The following TCF7L1 variants were observed in gnomAD, a reference collection of about 807,000 sequenced individuals.
TCF7L1 encodes the protein transcription factor 7-like 1.
TCF7L1 carries 18 observed loss-of-function variants against 63.7 expected under a neutral mutation model. That is an observed-to-expected ratio of 0.28 (90% CI 0.20 to 0.42). TCF7L1 has a LOEUF of 0.42. TCF7L1 is among the 10% of genes least tolerant of loss of function. The pLI is 1.00. For synonymous variants in TCF7L1, 355 were observed against 340.9 expected, an observed-to-expected ratio of 1.04 and a Z score of -0.46; for missense variants, 654 against 779.3, an observed-to-expected ratio of 0.84 and a Z score of 1.91.
intron 3 of TCF7L1, among the ~76,000 whole-genome samples, chr2:85,149,816 C>A (rs1424127677): frequency 6.6e-6 from 1 of 152,216 alleles, no homozygotes; most frequent in Admixed American, 6.5e-5. Context: ...TGAGCCACCG[C>A]GCCCGGCTCT....
intron 3 of TCF7L1, among the ~76,000 whole-genome samples, chr2:85,199,163 G>T (rs1451529987): frequency 6.6e-6 from 1 of 152,174 alleles, no homozygotes; most frequent in East Asian, 1.9e-4. Context: ...GATGGTTCAG[G>T]CTGGAGTAAC....
intron 3 of TCF7L1, among the ~76,000 whole-genome samples, chr2:85,239,862 C>T (rs1680282693): frequency 6.7e-6 from 1 of 148,674 alleles, no homozygotes; most frequent in African/African-American, 2.5e-5. Context: ...AGGAGAATCA[C>T]TTGAACCTGG....
At chr2:85,145,039 T>A (rs965704156) in intron 3 of TCF7L1, among the ~76,000 whole-genome samples, 1 of 147,308 alleles carries the variant, frequency 6.8e-6, no homozygotes, top group Admixed American at 6.9e-5. Context: ...GAGCCAAGAC[T>A]GGGCAAAAAA....
In TCF7L1 at chr2:85,302,570, C is replaced by T. The variant is rs139053179; in HGVS notation, c.612C>T (p.Pro204=). The T allele has an allele frequency of 1.9e-5, 31 of 1,613,960 alleles. No individual in the cohort carries two copies. The highest frequency in any genetic ancestry group is 5.5e-5 in the South Asian group (5 of 91,086). ...CCTACAGCAATGACCACTTCTCCCCCGGCTCCCCTCCCACCCACCTCTCCC... is the reference window on the plus strand; with the variant it reads ...CCTACAGCAATGACCACTTCTCCCCTGGCTCCCCTCCCACCCACCTCTCCC... The part of the protein sequence containing the change: ...LITYSNDHFS[P]GSPPTHLSPE... Residue 204 remains proline (P), a synonymous_variant, in exon 5 of 12, where the codon CCC becomes CCT. Coordinates refer to ENST00000282111, the MANE Select transcript of TCF7L1 (RefSeq NM_031283.3).
chr2:85,166,767 G>A (rs1458900905), intron 3 of TCF7L1, among the ~76,000 whole-genome samples: 2 of 152,224 alleles, frequency 1.3e-5, no homozygotes, highest in Non-Finnish European at 1.5e-5. Flanking sequence ...TGGGTTGATT[G>A]TCTCTTTAGC....
chr2:85,168,757 G>T (rs917589135), intron 3 of TCF7L1, among the ~76,000 whole-genome samples: 1 of 152,228 alleles, frequency 6.6e-6, no homozygotes, highest in Admixed American at 6.5e-5. Context: ...GCGTAGCTGG[G>T]ACTACAGGCA....
chr2:85,178,482 G>A (rs1278068473), intron 3 of TCF7L1, among the ~76,000 whole-genome samples: 2 of 152,166 alleles, frequency 1.3e-5, no homozygotes, highest in Non-Finnish European at 2.9e-5. Flanking sequence ...AGAAGGAGCT[G>A]GAGAAGGAGC....
intron 3 of TCF7L1, among the ~76,000 whole-genome samples, chr2:85,251,504 AG>A (rs1397870162): frequency 6.6e-6 from 1 of 152,202 alleles, no homozygotes; most frequent in East Asian, 1.9e-4. Flanking sequence ...ACCTGCCTAA[AG>A]TCATCACACT....
rs1309069310 is a variant in TCF7L1, at chr2:85,307,704, C to T, written c.1320C>T (p.Val440=). ...QLSQTQSQQQ[V]QEAEGALASK... ...CCCAGACACAGTCACAGCAGCAAGT[C>T]CAGGAGGCAGAGGGTGCGTCTCGGG... Residue 440 remains valine, a synonymous_variant, in exon 11 of 12, where the codon GTC becomes GTT. Transcript: ENST00000282111. 1 of 1,613,644 alleles carries T rather than the reference C, an allele frequency of 6.2e-7. No individual in the cohort carries two copies. Among genetic ancestry groups the T allele is most frequent in the Non-Finnish European group, 8.5e-7 (1 of 1,179,960 alleles).
At chr2:85,188,631 A>C (rs953290506) in intron 3 of TCF7L1, among the ~76,000 whole-genome samples, 2 of 152,200 alleles carry the variant, frequency 1.3e-5, no homozygotes, top group Admixed American at 6.5e-5. Flanking sequence ...AAATGTTAAC[A>C]TTTGTGAATT....
chr2:85,144,663 G>A (rs1677826823), intron 3 of TCF7L1, among the ~76,000 whole-genome samples: 1 of 151,468 alleles, frequency 6.6e-6, no homozygotes, highest in Non-Finnish European at 1.5e-5. Flanking sequence ...CAGTTATTTT[G>A]GGAATTGCAG....
At chr2:85,297,632 C>T (rs899852640) in intron 4 of TCF7L1, among the ~76,000 whole-genome samples, 1 of 152,106 alleles carries the variant, frequency 6.6e-6, no homozygotes, top group Non-Finnish European at 1.5e-5. Flanking sequence ...CAAGACCAGC[C>T]TGGGTAACAT....
intron 3 of TCF7L1, among the ~76,000 whole-genome samples, chr2:85,237,171 T>C (rs1325746263): frequency 1.3e-5 from 2 of 152,204 alleles, no homozygotes; most frequent in Non-Finnish European, 2.9e-5. Flanking sequence ...TCAAGCCTTT[T>C]GTTATAGTTC....
At chr2:85,216,371 G>A (rs991876194) in intron 3 of TCF7L1, among the ~76,000 whole-genome samples, 2 of 152,078 alleles carry the variant, frequency 1.3e-5, no homozygotes, top group Non-Finnish European at 2.9e-5. Context: ...CGTTTCCGCT[G>A]CCCATGAAGA....
chr2:85,159,898 T>G (rs1678246257), intron 3 of TCF7L1, among the ~76,000 whole-genome samples: 1 of 152,108 alleles, frequency 6.6e-6, no homozygotes, highest in South Asian at 2.1e-4. Flanking sequence ...TGCTTCCCCC[T>G]TTGTTTGGCC....
intron 3 of TCF7L1, among the ~76,000 whole-genome samples, chr2:85,234,551 G>T (rs967654697): frequency 2.6e-5 from 4 of 152,118 alleles, no homozygotes; most frequent in African/African-American, 9.7e-5. Context: ...TTGATTTCAC[G>T]AATTCCCAAA....
chr2:85,170,779 A>G (rs1315220519), intron 3 of TCF7L1, among the ~76,000 whole-genome samples: 1 of 152,192 alleles, frequency 6.6e-6, no homozygotes, highest in Non-Finnish European at 1.5e-5. Context: ...AAGCCAGCAC[A>G]TAGTAGGTGT....
At chr2:85,218,922 G>A (rs1436169726) in intron 3 of TCF7L1, among the ~76,000 whole-genome samples, 2 of 152,162 alleles carry the variant, frequency 1.3e-5, no homozygotes, top group Non-Finnish European at 2.9e-5. Context: ...CCAATACTTT[G>A]GGATGCTGAA....
intron 3 of TCF7L1, among the ~76,000 whole-genome samples, chr2:85,146,584 C>CTCCG (rs1677885684): frequency 6.6e-6 from 1 of 150,634 alleles, no homozygotes. Context: ...TCACTGCAAC[C>CTCCG]TCCGTCTCCT....
Sources: gnomAD v4.1 joint callset for allele counts (sites outside exome capture counted in the v4.1 genomes callset) on GRCh38, gnomAD v4.1.1 for gene constraint, MANE v1.5 for transcripts, NCBI Gene and HGNC (gene_info 2026-07-23, HGNC 2026-07-21) for gene names.